OR2L13: variants seen among roughly 807,000 people sequenced by gnomAD.
OR2L13 encodes olfactory receptor family 2 subfamily L member 13.
Under a neutral mutation model 15.3 loss-of-function variants are expected in OR2L13, and 14 were observed. The observed-to-expected ratio is 0.91, with a 90% CI of 0.60 to 1.43. The LOEUF (loss-of-function observed/expected upper bound fraction) is 1.43, where lower values mean the gene tolerates loss of function less well. Among genes scored for constraint, OR2L13 ranks in the 40% most tolerant of loss-of-function variants. The probability of loss-of-function intolerance (pLI) is 0.00; values close to 1 mark genes in which losing one functional copy is unlikely to be tolerated. For missense variants in OR2L13, 367 were observed against 387.9 expected (o/e 0.95, Z 0.45); for synonymous variants, 152 against 142.9 (o/e 1.06, Z -0.45).
chr1:247,969,265 A>G, the OR2L13 span, among the ~76,000 whole-genome samples: 4 of 149,646 alleles, frequency 2.7e-5, no homozygotes, highest in Non-Finnish European at 5.9e-5. Flanking sequence ...AGATGGGTAG[A>G]TTGCAAAATT....
At chr1:248,044,569 C>T in the OR2L13 span, among the ~76,000 whole-genome samples, 1 of 126,238 alleles carries the variant, frequency 7.9e-6, no homozygotes, top group Non-Finnish European at 1.5e-5. Flanking sequence ...TTTGGGAGGC[C>T]GAGGCGGGTG....
chr1:248,046,438 A>G, the OR2L13 span, among the ~76,000 whole-genome samples: 416 of 152,320 alleles, frequency 2.7e-3, 1 homozygote, highest in African/African-American at 9.3e-3. Context: ...CCTGAATAAC[A>G]ACATTCAGGC....
the OR2L13 span, among the ~76,000 whole-genome samples, chr1:247,993,343 T>TTG: frequency 2.5e-5 from 2 of 81,108 alleles, no homozygotes; most frequent in Non-Finnish European, 4.2e-5. Context: ...TTCCTCGTTG[T>TTG]TTTTTTTTTT....
At chr1:248,031,840 A>G in the OR2L13 span, among the ~76,000 whole-genome samples, 1 of 152,154 alleles carries the variant, frequency 6.6e-6, no homozygotes, top group Admixed American at 6.6e-5. Flanking sequence ...CTTTTTTAAA[A>G]ATAGGGTACT....
chr1:248,085,114 A>G, the OR2L13 span, among the ~76,000 whole-genome samples: 1 of 152,064 alleles, frequency 6.6e-6, no homozygotes. Flanking sequence ...GTCTTCCCAT[A>G]TAGTGTATGC....
the OR2L13 span, chr1:248,060,660 G>C: frequency 6.3e-7 from 1 of 1,584,470 alleles, no homozygotes; most frequent in Non-Finnish European, 8.6e-7. Context: ...TCTCCCTTCA[G>C]GAAAGAGCAC....
At chr1:247,950,671 C>G in the OR2L13 span, among the ~76,000 whole-genome samples, 3 of 152,038 alleles carry the variant, frequency 2.0e-5, no homozygotes, top group African/African-American at 7.3e-5. Context: ...TTTGCATGTT[C>G]TCACTCCTAC....
upstream of OR2L13, among the ~76,000 whole-genome samples, chr1:248,093,960 C>T (rs764916308): frequency 1.3e-5 from 2 of 151,896 alleles, no homozygotes; most frequent in Non-Finnish European, 2.9e-5. Flanking sequence ...GATTAATGGG[C>T]TCAAAAATAC....
the OR2L13 span, chr1:247,966,326 G>A: frequency 1.9e-6 from 3 of 1,612,342 alleles, no homozygotes; most frequent in South Asian, 1.1e-5. Flanking sequence ...TATGACTTCA[G>A]ATCTCTGTAT....
chr1:248,002,799 A>G, the OR2L13 span, among the ~76,000 whole-genome samples: 4 of 151,256 alleles, frequency 2.6e-5, no homozygotes, highest in Non-Finnish European at 4.4e-5. Flanking sequence ...CAGAGCTTGC[A>G]GTGAGCCGAG....
chr1:248,087,696 A>G, the OR2L13 span, among the ~76,000 whole-genome samples: 2 of 152,212 alleles, frequency 1.3e-5, no homozygotes, highest in East Asian at 1.9e-4. Context: ...GGAAAGGTAT[A>G]TCATCTTTGG....
the OR2L13 span, chr1:248,024,093 C>T: frequency 6.6e-6 from 1 of 151,846 alleles, no homozygotes; most frequent in Admixed American, 6.6e-5. Flanking sequence ...GTGAGCAGAA[C>T]GTGCAGGTTT....
the OR2L13 span, among the ~76,000 whole-genome samples, chr1:247,946,657 A>G: frequency 2.0e-5 from 3 of 152,134 alleles, no homozygotes; most frequent in Non-Finnish European, 4.4e-5. Context: ...TCATCTGCTA[A>G]TGCCTGATTT....
At chr1:248,062,347 T>C in the OR2L13 span, 1 of 152,122 alleles carries the variant, frequency 6.6e-6, no homozygotes, top group Non-Finnish European at 1.5e-5. Flanking sequence ...TATAGTGTAA[T>C]GACTGGGAGT....
At chr1:248,004,486 A>C in the OR2L13 span, among the ~76,000 whole-genome samples, 2 of 152,198 alleles carry the variant, frequency 1.3e-5, no homozygotes, top group Non-Finnish European at 2.9e-5. Context: ...TCCAATTGAA[A>C]ACTGTAAAAT....
At chr1:248,010,225 T>C in the OR2L13 span, among the ~76,000 whole-genome samples, 13 of 152,290 alleles carry the variant, frequency 8.5e-5, no homozygotes, top group Non-Finnish European at 1.2e-4. Flanking sequence ...GAAGTAAAAT[T>C]ATCTCTCTTT....
the OR2L13 span, among the ~76,000 whole-genome samples, chr1:248,052,531 A>G: frequency 4.6e-5 from 7 of 152,276 alleles, no homozygotes; most frequent in African/African-American, 1.7e-4. Context: ...GGTTGAGGCC[A>G]TGCTGGCTAA....
At chr1:248,073,085 A>G in the OR2L13 span, among the ~76,000 whole-genome samples, 1 of 151,376 alleles carries the variant, frequency 6.6e-6, no homozygotes, top group African/African-American at 2.4e-5. Flanking sequence ...TCAGGGATCC[A>G]GAACTAGAAA....
the OR2L13 span, among the ~76,000 whole-genome samples, chr1:247,951,394 A>C: frequency 1.3e-5 from 2 of 152,150 alleles, no homozygotes; most frequent in African/African-American, 4.8e-5. Flanking sequence ...AATTCTTCCA[A>C]TCCACAAGCA....
Sources: allele counts gnomAD v4.1 joint callset (sites outside exome capture counted in the v4.1 genomes callset), GRCh38; gene constraint gnomAD v4.1.1; transcripts MANE v1.5; gene names NCBI Gene and HGNC (gene_info 2026-07-23, HGNC 2026-07-21).